The following PDE4D variants were observed in gnomAD, a reference collection of about 807,000 sequenced individuals.
PDE4D encodes the protein phosphodiesterase 4D, also known as 3',5'-cyclic-AMP phosphodiesterase 4D.
PDE4D carries 24 observed loss-of-function variants against 87.4 expected under a neutral mutation model. The observed-to-expected ratio is 0.27, with a 90% confidence interval of 0.20 to 0.39. The LOEUF is 0.39. Among genes scored for constraint, PDE4D ranks in the 10% least tolerant of loss-of-function variants. The pLI, the probability that PDE4D is intolerant of heterozygous loss-of-function variation, is 1.00. For missense variants in PDE4D, 714 were observed against 1,041.0 expected (o/e 0.69, Z 4.32); for synonymous variants, 384 against 383.2 (o/e 1.00, Z -0.02).
At position 59,625,999 on chromosome 5, in the gene PDE4D, A is replaced by G. The variant is rs974643661; in HGVS notation, c.455+267169T>C. Among the ~76,000 whole-genome samples, 183 of 152,286 alleles carry G rather than the reference A, an allele frequency of 1.2e-3. 2 individuals carry two copies. Among genetic ancestry groups the G allele is most frequent in the Middle Eastern group, 3.4e-3 (1 of 294 alleles). ...GCTACTTGGGTGGCTGAGGCAGGAG[A>G]ATGGCATGAACCCAGGAGGCGGAGC... On this transcript the variant is annotated intron_variant, in intron 1 of 14. Transcript: ENST00000340635.
At chr5:59,224,386 G>A (rs1753279197) in intron 1 of PDE4D, among the ~76,000 whole-genome samples, 1 of 151,704 alleles carries the variant, frequency 6.6e-6, no homozygotes, top group Non-Finnish European at 1.5e-5. Context: ...GGTGGTACTG[G>A]AAATATACAA....
At chr5:59,965,575 G>A (rs550683338) in intron 3 of PDE4D, among the ~76,000 whole-genome samples, 26 of 152,174 alleles carry the variant, frequency 1.7e-4, no homozygotes, top group Middle Eastern at 3.4e-3. Context: ...CAGAGAGGGC[G>A]CACAATCACT....
intron 3 of PDE4D, among the ~76,000 whole-genome samples, chr5:59,931,913 G>A (rs1425969244): frequency 1.3e-5 from 2 of 152,056 alleles, no homozygotes; most frequent in Non-Finnish European, 2.9e-5. Context: ...GTGTTAGCCA[G>A]GATGGTCTTG....
chr5:59,470,669 C>A (rs890580406), intron 1 of PDE4D, among the ~76,000 whole-genome samples: 3 of 152,108 alleles, frequency 2.0e-5, no homozygotes, highest in East Asian at 3.9e-4. Context: ...AATTGATTTA[C>A]TTTGTTTTTC....
At chr5:59,392,456 G>C (rs1213064482) in intron 1 of PDE4D, among the ~76,000 whole-genome samples, 1 of 150,180 alleles carries the variant, frequency 6.7e-6, no homozygotes, top group Non-Finnish European at 1.5e-5. Flanking sequence ...TTGTGATTAC[G>C]TGAGTTAATA....
intron 1 of PDE4D, among the ~76,000 whole-genome samples, chr5:59,648,900 T>C (rs373849829): frequency 1.3e-5 from 2 of 152,176 alleles, no homozygotes; most frequent in East Asian, 3.8e-4. Context: ...AAATGAGTCC[T>C]AGGCAACAAG....
chr5:59,623,334 C>T (rs298052), intron 1 of PDE4D, among the ~76,000 whole-genome samples: 131,553 of 152,150 alleles, frequency 0.86, 56,926 homozygotes, highest in South Asian at 0.93. Flanking sequence ...CTACATCTTA[C>T]ACCTAGGCCA....
chr5:60,343,348 C>A (rs183948910), intron 1 of PDE4D, among the ~76,000 whole-genome samples: 1 of 152,142 alleles, frequency 6.6e-6, no homozygotes, highest in Admixed American at 6.5e-5. Context: ...CAGCAGGGCC[C>A]GGAAAAGGGC....
At chr5:59,292,440 A>G (rs943332485) in intron 1 of PDE4D, among the ~76,000 whole-genome samples, 2 of 152,136 alleles carry the variant, frequency 1.3e-5, no homozygotes, top group Admixed American at 6.6e-5. Context: ...ACTTTCCACA[A>G]CGTAGATTAT....
chr5:59,460,752 G>C (rs1461156088), intron 1 of PDE4D, among the ~76,000 whole-genome samples: 1 of 152,088 alleles, frequency 6.6e-6, no homozygotes, highest in Non-Finnish European at 1.5e-5. Flanking sequence ...ATAAAGAGTT[G>C]ACATCTAAAC....
chr5:59,869,110 C>T (rs1747451177), intron 1 of PDE4D, among the ~76,000 whole-genome samples: 1 of 152,102 alleles, frequency 6.6e-6, no homozygotes, highest in African/African-American at 2.4e-5. Context: ...TGCAACCTGC[C>T]TTCATGGAGC....
intron 1 of PDE4D, among the ~76,000 whole-genome samples, chr5:59,832,949 G>A (rs778413430): frequency 4.6e-5 from 7 of 151,942 alleles, no homozygotes; most frequent in Non-Finnish European, 8.8e-5. Flanking sequence ...GATGGGGGCC[G>A]GAAGGAACGT....
At chr5:59,360,727 G>C (rs564573671) in intron 1 of PDE4D, among the ~76,000 whole-genome samples, 2 of 152,154 alleles carry the variant, frequency 1.3e-5, no homozygotes, top group Non-Finnish European at 2.9e-5. Flanking sequence ...GAGTCTACTT[G>C]ATTGAAAGGT....
At chr5:60,307,185 T>C (rs936101839) in intron 1 of PDE4D, among the ~76,000 whole-genome samples, 5 of 152,282 alleles carry the variant, frequency 3.3e-5, no homozygotes, top group African/African-American at 9.6e-5. Context: ...GTAAATACTT[T>C]AAACAACGAC....
At chr5:59,449,186 G>A (rs1798781999) in intron 1 of PDE4D, among the ~76,000 whole-genome samples, 1 of 152,192 alleles carries the variant, frequency 6.6e-6, no homozygotes, top group African/African-American at 2.4e-5. Flanking sequence ...ATCTTCCTGA[G>A]TTACCTGAGA....
At chr5:59,336,191 T>C (rs1269895066) in intron 1 of PDE4D, among the ~76,000 whole-genome samples, 1 of 152,128 alleles carries the variant, frequency 6.6e-6, no homozygotes, top group Non-Finnish European at 1.5e-5. Context: ...AAATAAACTA[T>C]TCCATGAAGT....
In PDE4D at chr5:60,306,354, T is replaced by C. The variant is rs550191303; in HGVS notation, c.-89-120667A>G. Among the ~76,000 whole-genome samples, 5 of 152,098 alleles carry C rather than the reference T, an allele frequency of 3.3e-5. No homozygotes were observed. In the South Asian group the frequency reaches 1.0e-3, roughly 32 times the overall value. On this transcript the variant is annotated intron_variant, in intron 1 of 16. Transcript: ENST00000502484. ...CTCAAAAGGAAAAAAACACATGGCA[T>C]TCAGGGTTCTCATCATTTTAAAAAT...
At chr5:60,444,465 G>A (rs1210422528) in intron 1 of PDE4D, among the ~76,000 whole-genome samples, 5 of 152,164 alleles carry the variant, frequency 3.3e-5, no homozygotes, top group African/African-American at 7.2e-5. Context: ...AGAGGAGGAA[G>A]AGTAGAAGAG....
At chr5:59,715,516 A>G (rs1754885601) in intron 1 of PDE4D, among the ~76,000 whole-genome samples, 1 of 152,222 alleles carries the variant, frequency 6.6e-6, no homozygotes, top group South Asian at 2.1e-4. Flanking sequence ...TGGACAAAGT[A>G]GTCAATGGGC....
Sources: gnomAD v4.1 joint callset for allele counts (sites outside exome capture counted in the v4.1 genomes callset) on GRCh38, gnomAD v4.1.1 for gene constraint, MANE v1.5 for transcripts, NCBI Gene and HGNC (gene_info 2026-07-23, HGNC 2026-07-21) for gene names.